CTNNBL1: variants seen among roughly 807,000 people sequenced by gnomAD.
CTNNBL1 encodes beta-catenin-like protein 1.
CTNNBL1 carries 31 observed loss-of-function variants against 72.7 expected under a neutral mutation model. The ratio of observed to expected loss-of-function variants is 0.43; its 90% CI spans 0.32 to 0.58. CTNNBL1 has a LOEUF of 0.58. Among genes scored for constraint, CTNNBL1 ranks in the 20% least tolerant of loss-of-function variants. The probability of loss-of-function intolerance (pLI) is 0.08; values close to 1 mark genes in which losing one functional copy is unlikely to be tolerated. For missense variants in CTNNBL1, 534 were observed against 725.1 expected, an observed-to-expected ratio of 0.74 and a Z score of 3.03; for synonymous variants, 240 against 267.3, an observed-to-expected ratio of 0.90 and a Z score of 1.00.
At chr20:37,781,522 T>C (rs867037417) in intron 10 of CTNNBL1, among the ~76,000 whole-genome samples, 16 of 152,346 alleles carry the variant, frequency 1.1e-4, no homozygotes, top group Middle Eastern at 3.4e-3. Flanking sequence ...AACTTCATTT[T>C]TGAATGCTGA....
intron 7 of CTNNBL1, among the ~76,000 whole-genome samples, chr20:37,772,102 C>T (rs139331309): frequency 7.2e-5 from 11 of 152,340 alleles, no homozygotes; most frequent in Admixed American, 6.5e-4. Flanking sequence ...ATGACTCCAT[C>T]ACCTGGCCAA....
intron 10 of CTNNBL1, among the ~76,000 whole-genome samples, chr20:37,794,403 A>G (rs2073752406): frequency 6.6e-6 from 1 of 150,864 alleles, no homozygotes; most frequent in Non-Finnish European, 1.5e-5. Flanking sequence ...TGCAACCTCC[A>G]CCTCCTGGGT....
At chr20:37,799,958 A>G (rs1194527391) in intron 10 of CTNNBL1, among the ~76,000 whole-genome samples, 1 of 152,178 alleles carries the variant, frequency 6.6e-6, no homozygotes, top group Non-Finnish European at 1.5e-5. Flanking sequence ...AAGGGGCACT[A>G]TCAGCAAGCT....
At chr20:37,827,883 G>A (rs1277133913) in intron 11 of CTNNBL1, among the ~76,000 whole-genome samples, 1 of 152,072 alleles carries the variant, frequency 6.6e-6, no homozygotes, top group African/African-American at 2.4e-5. Flanking sequence ...TGCTTCTCTT[G>A]CCTCACCTTC....
intron 1 of CTNNBL1, among the ~76,000 whole-genome samples, chr20:37,697,479 A>G (rs750023616): frequency 6.6e-6 from 1 of 152,186 alleles, no homozygotes; most frequent in African/African-American, 2.4e-5. Context: ...CAGAAAGAGG[A>G]TCTATGTAGC....
intron 1 of CTNNBL1, among the ~76,000 whole-genome samples, chr20:37,708,892 A>G (rs2072912791): frequency 6.6e-6 from 1 of 152,132 alleles, no homozygotes; most frequent in Non-Finnish European, 1.5e-5. Context: ...TAATCCCAGC[A>G]CTTTGGGACG....
chr20:37,794,375 G>A (rs536514289), intron 10 of CTNNBL1, among the ~76,000 whole-genome samples: 13 of 152,142 alleles, frequency 8.5e-5, no homozygotes, highest in Non-Finnish European at 1.6e-4. Context: ...GGAGTGCAGT[G>A]GCACAATCTC....
chr20:37,857,021 T>G (rs1276308872), intron 13 of CTNNBL1, among the ~76,000 whole-genome samples: 1 of 152,214 alleles, frequency 6.6e-6, no homozygotes, highest in African/African-American at 2.4e-5. Flanking sequence ...GGGAATCCGT[T>G]TTCTAGCAAC....
At chr20:37,844,777 A>G (rs2072333305) in intron 13 of CTNNBL1, among the ~76,000 whole-genome samples, 1 of 151,954 alleles carries the variant, frequency 6.6e-6, no homozygotes, top group Admixed American at 6.6e-5. Context: ...CAAAACCCCC[A>G]TTTCTACTAA....
At chr20:37,810,795 T>A (rs1053760020) in intron 11 of CTNNBL1, among the ~76,000 whole-genome samples, 3 of 152,210 alleles carry the variant, frequency 2.0e-5, no homozygotes, top group African/African-American at 7.2e-5. Flanking sequence ...ATATGGATGA[T>A]GAAGAACATG....
Position 37,860,337 on chromosome 20 carries a change from C to T in CTNNBL1, c.1596C>T (p.Ile532=), listed in dbSNP as rs200817413. ...RGSSIKIVRH[I]IKEYAENIGD... is the part of the protein sequence containing the mutation. Reference sequence around the variant, plus strand: ...GCTCCATCAAAATTGTCAGGCATATCATCAAGGGTGAGTTGGATGCTACTC... The same window carrying T: ...GCTCCATCAAAATTGTCAGGCATATTATCAAGGGTGAGTTGGATGCTACTC... The change falls in exon 15 of 16, where the codon ATC becomes ATT. Residue 532 remains isoleucine (I), a synonymous_variant. Coordinates refer to ENST00000361383, the MANE Select transcript of CTNNBL1 (RefSeq NM_030877.5). 1 of 1,612,914 alleles carries T rather than the reference C, an allele frequency of 6.2e-7. No homozygotes were observed. Among genetic ancestry groups the T allele is most frequent in the East Asian group, 2.2e-5 (1 of 44,892 alleles).
In CTNNBL1 at chr20:37,732,859, TTA is replaced by T; in HGVS notation, c.31-18_31-17del. 8 of 1,609,898 alleles carry T rather than the reference TTA, an allele frequency of 5.0e-6. No individual in the cohort carries two copies. The highest frequency in any genetic ancestry group is 6.8e-6 in the Non-Finnish European group (8 of 1,178,254). ...CTATGTTGTATCCAGCTCTAAAATC[TTA>T]TGTTTCTTTTCTCTCAGCCCAATAG... On this transcript the variant is annotated intron_variant, in intron 1 of 15. Transcript: ENST00000361383.
chr20:37,774,128 G>A (rs1306638938), intron 7 of CTNNBL1, among the ~76,000 whole-genome samples: 1 of 151,762 alleles, frequency 6.6e-6, no homozygotes, highest in Non-Finnish European at 1.5e-5. Context: ...TGCCCAGGCT[G>A]GTCTTGAACT....
At chr20:37,734,533 C>T (rs954081611) in intron 2 of CTNNBL1, among the ~76,000 whole-genome samples, 2 of 152,070 alleles carry the variant, frequency 1.3e-5, no homozygotes, top group African/African-American at 4.8e-5. Flanking sequence ...TGGTTTCTAG[C>T]CTGGGAGACA....
chr20:37,770,040 A>G (rs1214826724), intron 7 of CTNNBL1, among the ~76,000 whole-genome samples: 1 of 152,236 alleles, frequency 6.6e-6, no homozygotes, highest in East Asian at 1.9e-4. Context: ...CCCAGCTGCT[A>G]CCATCAGTAT....
intron 10 of CTNNBL1, among the ~76,000 whole-genome samples, chr20:37,788,128 T>C (rs2073694389): frequency 6.6e-6 from 1 of 152,228 alleles, no homozygotes; most frequent in Admixed American, 6.5e-5. Flanking sequence ...CCCCCACGTC[T>C]GTCCTCACAT....
At chr20:37,697,426 G>C (rs769363354) in intron 1 of CTNNBL1, among the ~76,000 whole-genome samples, 1 of 152,204 alleles carries the variant, frequency 6.6e-6, no homozygotes, top group Non-Finnish European at 1.5e-5. Flanking sequence ...AGCAAGTATG[G>C]ACATAGGCTA....
chr20:37,870,602 A>G (rs145502487), intron 15 of CTNNBL1, among the ~76,000 whole-genome samples: 20 of 152,098 alleles, frequency 1.3e-4, no homozygotes, highest in South Asian at 1.3e-3. Flanking sequence ...CTCCACCGCT[A>G]CCTGCCCAAT....
At chr20:37,762,695 G>A (rs549190736) in intron 5 of CTNNBL1, among the ~76,000 whole-genome samples, 12 of 152,286 alleles carry the variant, frequency 7.9e-5, no homozygotes, top group African/African-American at 2.9e-4. Context: ...ATGCTAATAT[G>A]TACTTTTACT....
Sources: allele counts gnomAD v4.1 joint callset (sites outside exome capture counted in the v4.1 genomes callset), GRCh38; gene constraint gnomAD v4.1.1; transcripts MANE v1.5; gene names NCBI Gene and HGNC (gene_info 2026-07-23, HGNC 2026-07-21).